Variants in CSMD1 observed in about 807,000 individuals in gnomAD.
CSMD1 encodes the protein CUB and sushi domain-containing protein 1.
CSMD1 carries 213 observed loss-of-function variants against 417.5 expected under a neutral mutation model. The ratio of observed to expected loss-of-function variants is 0.51; its 90% CI spans 0.46 to 0.57. The LOEUF (loss-of-function observed/expected upper bound fraction) is 0.57. Among genes scored for constraint, CSMD1 ranks in the 20% least tolerant of loss-of-function variants. CSMD1 has a pLI of 0.00. For synonymous variants in CSMD1, 2,862 were observed against 1,736.8 expected (o/e 1.65, Z -16.11); for missense variants, 6,923 against 4,529.7 (o/e 1.53, Z -15.17).
At chr8:3,415,295 T>C (rs926329835) in intron 12 of CSMD1, among the ~76,000 whole-genome samples, 3 of 152,198 alleles carry the variant, frequency 2.0e-5, no homozygotes, top group Non-Finnish European at 4.4e-5. Context: ...TTTTCAAGAA[T>C]ATAATACATT....
At chr8:3,343,674 A>C (rs1386392261) in intron 22 of CSMD1, among the ~76,000 whole-genome samples, 3 of 152,202 alleles carry the variant, frequency 2.0e-5, no homozygotes, top group African/African-American at 7.2e-5. Context: ...ATTCTTGTTC[A>C]GATCATTTTA....
intron 3 of CSMD1, among the ~76,000 whole-genome samples, chr8:4,253,442 CCAT>C (rs1803225726): frequency 6.6e-6 from 1 of 152,058 alleles, no homozygotes. Flanking sequence ...TAGCGGAACA[CCAT>C]ATCAGGACCT....
At chr8:4,843,851 G>C (rs557570340) in intron 1 of CSMD1, among the ~76,000 whole-genome samples, 12 of 152,278 alleles carry the variant, frequency 7.9e-5, no homozygotes, top group African/African-American at 2.9e-4. Context: ...CCCTGAATTT[G>C]GAGTCAACCG....
At chr8:3,536,810 G>C (rs770101448) in intron 10 of CSMD1, among the ~76,000 whole-genome samples, 1 of 152,148 alleles carries the variant, frequency 6.6e-6, no homozygotes, top group African/African-American at 2.4e-5. Flanking sequence ...ATGCTGTTAG[G>C]TTTGTGCCAT....
At position 4,736,393 on chromosome 8, in the gene CSMD1, G is replaced by C. The variant is rs1426623799; in HGVS notation, c.86-98835C>G. On this transcript the variant is annotated intron_variant, in intron 1 of 69. Coordinates refer to ENST00000635120, the MANE Select transcript of CSMD1 (RefSeq NM_033225.6). ...TGCCAAGAAGATTCCAGGAGAGAGA[G>C]AGAGAGCAATGATTTAGAAATTGGT... Among the ~76,000 whole-genome samples the C allele has an allele frequency of 3.3e-5, 5 of 152,208 alleles. No homozygotes were observed. In the East Asian group the frequency reaches 7.7e-4, roughly 24 times the overall value.
chr8:4,466,733 A>T (rs962497818), intron 2 of CSMD1, among the ~76,000 whole-genome samples: 1 of 152,140 alleles, frequency 6.6e-6, no homozygotes, highest in Non-Finnish European at 1.5e-5. Flanking sequence ...CAACAAATAC[A>T]TATTTCCAAT....
intron 5 of CSMD1, among the ~76,000 whole-genome samples, chr8:3,896,848 G>A (rs949538493): frequency 6.6e-6 from 1 of 151,868 alleles, no homozygotes; most frequent in African/African-American, 2.4e-5. Context: ...ATAAATGTCA[G>A]GAAAAAAATT....
At chr8:2,991,851 C>A (rs1806415179) in intron 54 of CSMD1, among the ~76,000 whole-genome samples, 1 of 152,122 alleles carries the variant, frequency 6.6e-6, no homozygotes, top group South Asian at 2.1e-4. Context: ...TTAATAAATT[C>A]CACCTATTAC....
chr8:3,331,154 T>C (rs576538702), intron 23 of CSMD1, among the ~76,000 whole-genome samples: 228 of 149,842 alleles, frequency 1.5e-3, no homozygotes, highest in African/African-American at 5.2e-3. Flanking sequence ...AGGAGAATGG[T>C]GTGAACCCGG....
At chr8:3,787,360 C>G (rs972559842) in intron 5 of CSMD1, among the ~76,000 whole-genome samples, 23 of 152,038 alleles carry the variant, frequency 1.5e-4, no homozygotes, top group Admixed American at 1.5e-3. Context: ...TGCCATTTTG[C>G]TTGCAAAATC....
At chr8:3,866,708 G>A (rs1189028884) in intron 5 of CSMD1, among the ~76,000 whole-genome samples, 1 of 152,170 alleles carries the variant, frequency 6.6e-6, no homozygotes, top group African/African-American at 2.4e-5. Flanking sequence ...TATTCCATAA[G>A]GTAGTCCTTG....
chr8:4,356,469 T>A (rs569461989), intron 3 of CSMD1, among the ~76,000 whole-genome samples: 1 of 152,186 alleles, frequency 6.6e-6, no homozygotes, highest in African/African-American at 2.4e-5. Flanking sequence ...AATGACTTCT[T>A]TTCCTCTGAG....
At chr8:3,675,366 C>A (rs1284016754) in intron 7 of CSMD1, among the ~76,000 whole-genome samples, 3 of 152,152 alleles carry the variant, frequency 2.0e-5, no homozygotes, top group South Asian at 2.1e-4. Flanking sequence ...CATAGTAAGG[C>A]CTCAGCAATG....
intron 63 of CSMD1, among the ~76,000 whole-genome samples, chr8:2,956,908 C>T (rs551421068): frequency 3.3e-5 from 5 of 152,002 alleles, no homozygotes; most frequent in Non-Finnish European, 4.4e-5. Context: ...TATATATGTA[C>T]ATGTACTATC....
At chr8:3,861,916 A>G (rs114071231) in intron 5 of CSMD1, among the ~76,000 whole-genome samples, 6,048 of 152,142 alleles carry the variant, frequency 0.04, 127 homozygotes, top group Middle Eastern at 0.068. Flanking sequence ...GCATTCCAGG[A>G]TTTCCTTGCT....
intron 3 of CSMD1, among the ~76,000 whole-genome samples, chr8:4,227,333 C>T (rs956925389): frequency 6.6e-6 from 1 of 152,146 alleles, no homozygotes; most frequent in African/African-American, 2.4e-5. Context: ...CTCACCACCC[C>T]TGCCTGTCCT....
chr8:4,843,345 C>T (rs1359115019), intron 1 of CSMD1, among the ~76,000 whole-genome samples: 1 of 152,130 alleles, frequency 6.6e-6, no homozygotes, highest in South Asian at 2.1e-4. Flanking sequence ...AACTTAGTAT[C>T]TTATTAAAAT....
chr8:3,405,939 A>G, intron 15 of CSMD1, 88 bp downstream of exon 15: 1 of 1,295,148 alleles, frequency 7.7e-7, no homozygotes. Context: ...AGCCCTAGCA[A>G]GCTAACACAG....
At chr8:4,392,714 A>G (rs1342244382) in intron 3 of CSMD1, among the ~76,000 whole-genome samples, 2 of 151,558 alleles carry the variant, frequency 1.3e-5, no homozygotes, top group South Asian at 2.1e-4. Flanking sequence ...TGACACCTGT[A>G]ATACCAGCAC....
Sources: gnomAD v4.1 joint callset for allele counts (sites outside exome capture counted in the v4.1 genomes callset) on GRCh38, gnomAD v4.1.1 for gene constraint, MANE v1.5 for transcripts, NCBI Gene and HGNC (gene_info 2026-07-23, HGNC 2026-07-21) for gene names.